Variants in LRGUK observed in about 807,000 individuals in gnomAD.
The protein encoded by LRGUK is leucine-rich repeat and guanylate kinase domain-containing protein.
LRGUK carries 65 observed loss-of-function variants against 76.0 expected under a neutral mutation model. The ratio of observed to expected loss-of-function variants is 0.85; its 90% CI spans 0.70 to 1.05. The LOEUF is 1.05. LRGUK is among the 50% of genes least tolerant of loss of function. The pLI, the probability that LRGUK is intolerant of heterozygous loss-of-function variation, is 0.00. For missense variants in LRGUK, 758 were observed against 732.8 expected (o/e 1.03, Z -0.40); for synonymous variants, 268 against 265.6 (o/e 1.01, Z -0.09).
chr7:134,132,730 G>A (rs1480937960), intron 1 of LRGUK, among the ~76,000 whole-genome samples: 1 of 152,166 alleles, frequency 6.6e-6, no homozygotes, highest in Non-Finnish European at 1.5e-5. Flanking sequence ...ACAAAAGGGG[G>A]CAAAAATGGT....
rs553514912 is a variant in LRGUK, at chr7:134,252,365, A to G, written c.2198+3289A>G. 5.3e-5 allele frequency among the ~76,000 whole-genome samples: 8 copies of G among 151,870 alleles called. No individual in the cohort carries two copies. The South Asian group carries it at 1.7e-3, about 32-fold the overall frequency. ...AATTAAATTAAATTAAATTAAATTA[A>G]ATTAAATTAAATTAAAGGGACCTAA... On this transcript the variant is annotated intron_variant, in intron 18 of 19. Transcript: ENST00000285928.
Position 134,249,195 on chromosome 7 carries a change from C to A in LRGUK, c.2198+119C>A, listed in dbSNP as rs139047133. On this transcript the variant is annotated intron_variant, in intron 18 of 19. Coordinates refer to the LRGUK transcript ENST00000285928. ...AACTGGGAAGCAGGGCCCTAACTCC[C>A]GCTGTAGAATTTGAAGGGAGTAGAC... 863 of 1,158,564 alleles carry A rather than the reference C, an allele frequency of 7.4e-4. 9 individuals are homozygous for A. In the African/African-American group the frequency reaches 0.012, roughly 17 times the overall value. 71.8% of individuals were successfully genotyped at this position (1,158,564 alleles called of 1,614,324 possible).
At chr7:134,222,268 G>A (rs1318189913) in intron 16 of LRGUK, among the ~76,000 whole-genome samples, 1 of 152,190 alleles carries the variant, frequency 6.6e-6, no homozygotes, top group Non-Finnish European at 1.5e-5. Flanking sequence ...ATAAATTTGA[G>A]TATTCTTGGG....
chr7:134,246,200 A>T (rs1802297283), intron 16 of LRGUK, among the ~76,000 whole-genome samples: 1 of 152,170 alleles, frequency 6.6e-6, no homozygotes. Context: ...AATGGTAAAC[A>T]TTATTCACTC....
intron 16 of LRGUK, among the ~76,000 whole-genome samples, chr7:134,244,720 T>C (rs112528280): frequency 0.024 from 3,603 of 152,210 alleles, 92 homozygotes; most frequent in African/African-American, 0.059. Context: ...ACCCAAAAGA[T>C]TTAAATGATG....
At chr7:134,254,721 A>G (rs1021381450) in intron 18 of LRGUK, among the ~76,000 whole-genome samples, 2 of 152,268 alleles carry the variant, frequency 1.3e-5, no homozygotes, top group African/African-American at 4.8e-5. Flanking sequence ...ATAAATTAAC[A>G]TGTGGAAAAT....
chr7:134,262,317 T>C (rs1033088151), intron 19 of LRGUK, among the ~76,000 whole-genome samples: 2 of 152,192 alleles, frequency 1.3e-5, no homozygotes, highest in Admixed American at 6.5e-5. Context: ...GTGGTTGCAG[T>C]GAGCCAAGAT....
rs571239040 is a variant in LRGUK at position 134,235,396 on chromosome 7, GC to G, written c.1984-12159del. Among the ~76,000 whole-genome samples the G allele has an allele frequency of 2.0e-3, 310 of 152,206 alleles. 1 individual carries two copies. Among genetic ancestry groups the G allele is most frequent in the Middle Eastern group, 0.01 (3 of 294 alleles). ...CACTCTTTCCCCAGATAGCCACATG[GC>G]TGACTCCCTTTCCTCCTTCAACTAT... On this transcript the variant is annotated intron_variant, in intron 16 of 19. Coordinates refer to the LRGUK transcript ENST00000285928.
chr7:134,193,391 A>C (rs1800342853), intron 12 of LRGUK, among the ~76,000 whole-genome samples: 1 of 152,146 alleles, frequency 6.6e-6, no homozygotes, highest in Admixed American at 6.5e-5. Context: ...AGTATGAGGC[A>C]ATTTTTTTCT....
chr7:134,156,073 T>C (rs1368141322), intron 5 of LRGUK, among the ~76,000 whole-genome samples: 1 of 152,190 alleles, frequency 6.6e-6, no homozygotes, highest in Non-Finnish European at 1.5e-5. Context: ...TAATGAACTC[T>C]CTCAGTAGTA....
intron 16 of LRGUK, among the ~76,000 whole-genome samples, chr7:134,244,994 T>C (rs1563198309): frequency 1.3e-5 from 2 of 148,380 alleles, no homozygotes; most frequent in African/African-American, 2.5e-5. Context: ...TAGGTGGGAA[T>C]TGAACAATGA....
At chr7:134,269,114 C>CT (rs1802914322), downstream of LRGUK, among the ~76,000 whole-genome samples, 1 of 152,046 alleles carries the variant, frequency 6.6e-6, no homozygotes, top group African/African-American at 2.4e-5. Flanking sequence ...GTACAAAGAG[C>CT]TACTACCAAT....
chr7:134,254,934 A>G (rs61438262), intron 18 of LRGUK, among the ~76,000 whole-genome samples: 1 of 152,316 alleles, frequency 6.6e-6, no homozygotes, highest in African/African-American at 2.4e-5. Flanking sequence ...AAAAAGAGCC[A>G]AACTGTAAGA....
At chr7:134,136,724 A>G (rs1797554497) in intron 1 of LRGUK, among the ~76,000 whole-genome samples, 1 of 152,232 alleles carries the variant, frequency 6.6e-6, no homozygotes. Flanking sequence ...CCCTCAATCA[A>G]TACCACCACT....
the LRGUK span, among the ~76,000 whole-genome samples, chr7:134,270,363 A>C: frequency 6.6e-6 from 1 of 152,316 alleles, no homozygotes; most frequent in African/African-American, 2.4e-5. Flanking sequence ...AAAAGGCACA[A>C]GACTTATATC....
At chr7:134,275,402 A>G in the LRGUK span, among the ~76,000 whole-genome samples, 1 of 152,310 alleles carries the variant, frequency 6.6e-6, no homozygotes, top group South Asian at 2.1e-4. Flanking sequence ...TTTGGAATAT[A>G]TACAGTAATA....
chr7:134,272,357 A>C, the LRGUK span, among the ~76,000 whole-genome samples: 1 of 152,018 alleles, frequency 6.6e-6, no homozygotes. Context: ...AGGTCAAAAA[A>C]TTTCTCACTG....
intron 16 of LRGUK, among the ~76,000 whole-genome samples, chr7:134,234,037 G>A (rs1187161799): frequency 6.6e-6 from 1 of 152,122 alleles, no homozygotes; most frequent in Admixed American, 6.6e-5. Flanking sequence ...TGTGGCCCAA[G>A]ACAATTATTC....
rs183464070 is a variant in LRGUK at position 134,246,481 on chromosome 7, G to T, written c.1984-1075G>T. 2.6e-5 allele frequency among the ~76,000 whole-genome samples: 4 copies of T among 152,300 alleles called. No individual in the cohort carries two copies. In the East Asian group the frequency reaches 7.7e-4, roughly 29 times the overall value. On this transcript the variant is annotated intron_variant, in intron 16 of 19. Coordinates refer to the LRGUK transcript ENST00000285928. The stretch of plus-strand genomic sequence containing the variant: ...TTTTAAAAACTTCCCCTAAAGACAC[G>T]CAAGCAAACACTTGAAACTATGCTA...
Sources: allele counts gnomAD v4.1 joint callset (sites outside exome capture counted in the v4.1 genomes callset), GRCh38; gene constraint gnomAD v4.1.1; transcripts MANE v1.5; gene names NCBI Gene and HGNC (gene_info 2026-07-23, HGNC 2026-07-21).